The following MFHAS1 variants were observed in gnomAD, a reference collection of about 807,000 sequenced individuals.
MFHAS1 encodes multifunctional ROCO family signaling regulator 1.
MFHAS1 carries 50 observed loss-of-function variants against 70.4 expected under a neutral mutation model. That is an observed-to-expected ratio of 0.71 (90% CI 0.57 to 0.90). MFHAS1 has a LOEUF of 0.90. Ranked by LOEUF, MFHAS1 falls within the 40% of genes least tolerant of loss-of-function variation. The pLI, the probability that MFHAS1 is intolerant of heterozygous loss-of-function variation, is 0.00. For synonymous variants in MFHAS1, 952 were observed against 620.0 expected (o/e 1.54, Z -7.96); for missense variants, 1,795 against 1,347.6 (o/e 1.33, Z -5.20).
intron 2 of MFHAS1, among the ~76,000 whole-genome samples, chr8:8,794,134 G>C (rs558898623): frequency 6.6e-5 from 10 of 152,088 alleles, no homozygotes; most frequent in Non-Finnish European, 1.2e-4. Flanking sequence ...AGTTTGCAAT[G>C]AGCTGAGATC....
At chr8:8,796,210 T>G (rs1805887771) in intron 2 of MFHAS1, among the ~76,000 whole-genome samples, 2 of 152,164 alleles carry the variant, frequency 1.3e-5, no homozygotes, top group Non-Finnish European at 1.5e-5. Flanking sequence ...TTCTCTGTCT[T>G]CAAGTCCATT....
chr8:8,862,086 T>C (rs1252566030), intron 1 of MFHAS1, among the ~76,000 whole-genome samples: 1 of 152,236 alleles, frequency 6.6e-6, no homozygotes, highest in East Asian at 1.9e-4. Context: ...AACATGTGTT[T>C]AACTTTATAT....
intron 1 of MFHAS1, among the ~76,000 whole-genome samples, chr8:8,811,434 C>A (rs560201084): frequency 6.6e-6 from 1 of 151,958 alleles, no homozygotes; most frequent in Non-Finnish European, 1.5e-5. Context: ...CACCATCATA[C>A]CTCATTTTTT....
At chr8:8,875,135 A>G (rs1465569469) in intron 1 of MFHAS1, among the ~76,000 whole-genome samples, 1 of 152,250 alleles carries the variant, frequency 6.6e-6, no homozygotes, top group South Asian at 2.1e-4. Context: ...TGACGTGCCC[A>G]TCCTCATGGG....
Position 8,892,384 on chromosome 8 carries a change from G to A in MFHAS1, c.675C>T (p.Ala225=). The A allele has an allele frequency of 3.1e-6, 5 of 1,612,798 alleles. No homozygotes were observed. Among genetic ancestry groups the A allele is most frequent in the South Asian group, 2.2e-5 (2 of 91,054 alleles). The change falls in exon 1 of 3, where the codon GCC becomes GCT. Residue 225 remains alanine (A), a synonymous_variant. Transcript: ENST00000276282. This position sits in a 1 kb window ranked among gnomAD's most constrained non-coding sequence, Gnocchi z 4.7. Reference sequence around the variant, plus strand: ...GCCAGAGGATCTTGAGGGCACGCAGGGCACTGATATCCTCAGGCAGGCCCC... The same window carrying A: ...GCCAGAGGATCTTGAGGGCACGCAGAGCACTGATATCCTCAGGCAGGCCCC... ...RLRGLPEDIS[A]LRALKILWLS...
At chr8:8,852,490 C>CACACAA (rs965392652) in intron 1 of MFHAS1, among the ~76,000 whole-genome samples, 1 of 71,764 alleles carries the variant, frequency 1.4e-5, no homozygotes, top group Non-Finnish European at 3.5e-5. Flanking sequence ...CACACACACA[C>CACACAA]ACATACACAC....
chr8:8,825,592 GT>G (rs1807128908), intron 1 of MFHAS1, among the ~76,000 whole-genome samples: 1 of 152,122 alleles, frequency 6.6e-6, no homozygotes, highest in Non-Finnish European at 1.5e-5. Context: ...CCTTCTCCCG[GT>G]GTCTTCACGT....
At chr8:8,861,935 TA>T (rs764314499) in intron 1 of MFHAS1, among the ~76,000 whole-genome samples, 5 of 152,230 alleles carry the variant, frequency 3.3e-5, no homozygotes, top group Non-Finnish European at 7.4e-5. Context: ...ACAATGTGTT[TA>T]TCTGTGCACC....
chr8:8,877,472 C>T (rs1237469646), intron 1 of MFHAS1, among the ~76,000 whole-genome samples: 3 of 152,030 alleles, frequency 2.0e-5, no homozygotes, highest in African/African-American at 7.2e-5. Flanking sequence ...GCCTTTATTG[C>T]AGGGTCTATT....
At chr8:8,857,166 C>A (rs963724639) in intron 1 of MFHAS1, among the ~76,000 whole-genome samples, 1 of 152,102 alleles carries the variant, frequency 6.6e-6, no homozygotes, top group South Asian at 2.1e-4. Context: ...AAAAAAGAAG[C>A]CTATCAATTC....
chr8:8,883,581 G>A (rs1166833086), intron 1 of MFHAS1, among the ~76,000 whole-genome samples: 2 of 151,488 alleles, frequency 1.3e-5, no homozygotes, highest in Admixed American at 6.6e-5. Flanking sequence ...GGTGGTGCAT[G>A]CCTGTAATCC....
chr8:8,832,634 T>TTC (rs1467073320), intron 1 of MFHAS1, among the ~76,000 whole-genome samples: 1 of 147,040 alleles, frequency 6.8e-6, no homozygotes, highest in East Asian at 2.0e-4. Flanking sequence ...TTTCTTTTTT[T>TTC]TTTTTTTTTT....
chr8:8,869,112 A>G (rs900900732), intron 1 of MFHAS1, among the ~76,000 whole-genome samples: 3 of 152,190 alleles, frequency 2.0e-5, no homozygotes, highest in Non-Finnish European at 2.9e-5. Context: ...ATGAACCAAG[A>G]AGAGTCGCTG....
intron 1 of MFHAS1, among the ~76,000 whole-genome samples, chr8:8,860,972 A>G (rs1461000298): frequency 6.6e-6 from 1 of 152,218 alleles, no homozygotes; most frequent in Non-Finnish European, 1.5e-5. Context: ...TGCAATGGAC[A>G]TGACAAGAAC....
intron 1 of MFHAS1, among the ~76,000 whole-genome samples, chr8:8,869,952 C>T (rs956825339): frequency 3.9e-5 from 6 of 152,172 alleles, no homozygotes; most frequent in African/African-American, 1.4e-4. Flanking sequence ...GTCCCTCTGA[C>T]TCCATTCTTA....
At chr8:8,799,143 C>T (rs1222221089) in intron 1 of MFHAS1, among the ~76,000 whole-genome samples, 1 of 152,018 alleles carries the variant, frequency 6.6e-6, no homozygotes, top group Non-Finnish European at 1.5e-5. Flanking sequence ...AAGACCCCAG[C>T]GGATGCATGA....
At chr8:8,845,064 A>C (rs1807978688) in intron 1 of MFHAS1, among the ~76,000 whole-genome samples, 2 of 152,254 alleles carry the variant, frequency 1.3e-5, no homozygotes, top group Non-Finnish European at 2.9e-5. Flanking sequence ...AACTACCCTC[A>C]GTATTCTGAA....
At chr8:8,797,723 G>T (rs1190313884) in intron 1 of MFHAS1, among the ~76,000 whole-genome samples, 1 of 152,146 alleles carries the variant, frequency 6.6e-6, no homozygotes, top group African/African-American at 2.4e-5. Context: ...GTTATGGCAG[G>T]AAGGCCCACA....
At chr8:8,797,917 C>A (rs1240571313) in intron 1 of MFHAS1, among the ~76,000 whole-genome samples, 1 of 152,132 alleles carries the variant, frequency 6.6e-6, no homozygotes, top group Non-Finnish European at 1.5e-5. Context: ...ACCACAGCAA[C>A]CATTCAACAA....
Sources: allele counts gnomAD v4.1 joint callset (sites outside exome capture counted in the v4.1 genomes callset), GRCh38; gene constraint gnomAD v4.1.1; non-coding constraint Gnocchi (gnomAD v3.1); transcripts MANE v1.5; gene names NCBI Gene and HGNC (gene_info 2026-07-23, HGNC 2026-07-21).